The following RGS7 variants were observed in gnomAD, a reference collection of about 807,000 sequenced individuals.
RGS7 encodes regulator of G-protein signaling 7.
Under a neutral mutation model 81.1 loss-of-function variants are expected in RGS7, and 27 were observed. The observed-to-expected ratio is 0.33, with a 90% confidence interval of 0.25 to 0.46. The LOEUF (loss-of-function observed/expected upper bound fraction) is 0.46. Ranked by LOEUF, RGS7 falls within the 20% of genes least tolerant of loss-of-function variation. RGS7 has a pLI of 1.00. For missense variants in RGS7, 396 were observed against 607.4 expected (o/e 0.65, Z 3.66); for synonymous variants, 208 against 207.7 (o/e 1.00, Z -0.01).
intron 6 of RGS7, among the ~76,000 whole-genome samples, chr1:240,873,035 T>G (rs1217396674): frequency 2.0e-5 from 3 of 151,766 alleles, no homozygotes; most frequent in Non-Finnish European, 2.9e-5. Flanking sequence ...GCCAAGATCA[T>G]GCCACTGCAC....
intron 3 of RGS7, among the ~76,000 whole-genome samples, chr1:241,040,436 A>G (rs2148764695): frequency 6.6e-6 from 1 of 152,244 alleles, no homozygotes; most frequent in Middle Eastern, 3.4e-3. Context: ...TGACATGTGT[A>G]GATGATTATG....
intron 18 of RGS7, among the ~76,000 whole-genome samples, chr1:240,781,243 C>T (rs1470743894): frequency 6.6e-6 from 1 of 152,158 alleles, no homozygotes; most frequent in African/African-American, 2.4e-5. Context: ...CACAGTAAAC[C>T]TGGGGCTTTG....
At position 241,100,171 on chromosome 1, in the gene RGS7, C is replaced by G. The variant is rs557120791; in HGVS notation, c.79-1409G>C. Among the ~76,000 whole-genome samples, 366 of 150,236 alleles carry G rather than the reference C, an allele frequency of 2.4e-3. 2 individuals carry two copies. The highest frequency in any genetic ancestry group is 7.8e-3 in the African/African-American group (319 of 40,876). ...CGGGCGGATCATGAGGTCAGGAGAT[C>G]GAGACCATCCTGGCTAACACGGTGA... On this transcript the variant is annotated intron_variant, in intron 2 of 18. Coordinates refer to ENST00000440928, the MANE Select transcript of RGS7 (RefSeq NM_001364886.1).
chr1:240,921,253 A>G (rs914335483), intron 6 of RGS7, among the ~76,000 whole-genome samples: 1 of 152,172 alleles, frequency 6.6e-6, no homozygotes, highest in African/African-American at 2.4e-5. Context: ...ATGGTACCAG[A>G]AAAAACTATA....
intron 2 of RGS7, among the ~76,000 whole-genome samples, chr1:241,268,619 G>A (rs1349531353): frequency 6.6e-6 from 1 of 152,008 alleles, no homozygotes; most frequent in East Asian, 1.9e-4. Context: ...GATACGAGAG[G>A]GAAAGTGGGG....
At chr1:240,976,325 ATGGGGTG>A (rs386641132) in intron 4 of RGS7, among the ~76,000 whole-genome samples, 7,559 of 152,240 alleles carry the variant, frequency 0.05, 215 homozygotes, top group South Asian at 0.1. Context: ...CATGGAAGCA[ATGGGGTG>A]GACTGTCAAC....
At chr1:241,204,618 A>G (rs77600605) in intron 2 of RGS7, among the ~76,000 whole-genome samples, 10,784 of 152,216 alleles carry the variant, frequency 0.071, 1,102 homozygotes, top group African/African-American at 0.23. Context: ...AGTTCTCCTT[A>G]AAAGTCAGAC....
intron 5 of RGS7, among the ~76,000 whole-genome samples, chr1:240,935,124 C>T (rs750927943): frequency 6.6e-6 from 1 of 151,576 alleles, no homozygotes; most frequent in Non-Finnish European, 1.5e-5. Flanking sequence ...GTCTCAAACT[C>T]CTAACCTCAA....
At chr1:241,246,262 G>T (rs1408258935) in intron 2 of RGS7, among the ~76,000 whole-genome samples, 1 of 152,000 alleles carries the variant, frequency 6.6e-6, no homozygotes. Flanking sequence ...TCTGCTTGAG[G>T]GTGAGATATA....
At chr1:240,794,067 G>A (rs549286749) in intron 18 of RGS7, among the ~76,000 whole-genome samples, 21 of 152,158 alleles carry the variant, frequency 1.4e-4, no homozygotes, top group Admixed American at 6.5e-4. Flanking sequence ...CTTCCTTCTC[G>A]TAGGTTCCAA....
chr1:240,937,901 A>G (rs769421621), intron 4 of RGS7, among the ~76,000 whole-genome samples: 16 of 152,220 alleles, frequency 1.1e-4, no homozygotes, highest in Non-Finnish European at 1.6e-4. Flanking sequence ...GACAATGTAA[A>G]CATATAGTCT....
At chr1:240,927,230 C>A (rs1674610302) in intron 6 of RGS7, among the ~76,000 whole-genome samples, 1 of 152,124 alleles carries the variant, frequency 6.6e-6, no homozygotes, top group African/African-American at 2.4e-5. Context: ...CCATGCCCAG[C>A]TAATTTTTGT....
chr1:241,231,231 T>C (rs1026513682), intron 2 of RGS7, among the ~76,000 whole-genome samples: 1 of 152,212 alleles, frequency 6.6e-6, no homozygotes, highest in African/African-American at 2.4e-5. Flanking sequence ...TGCCACTGTT[T>C]TTTCATTTTA....
At chr1:241,158,754 T>C (rs767025010) in intron 2 of RGS7, among the ~76,000 whole-genome samples, 5 of 152,200 alleles carry the variant, frequency 3.3e-5, no homozygotes, top group Admixed American at 6.5e-5. Context: ...AGAGAGTCAG[T>C]GGCTTTGACA....
At chr1:241,110,701 T>C (rs1168926554) in intron 2 of RGS7, among the ~76,000 whole-genome samples, 1 of 151,754 alleles carries the variant, frequency 6.6e-6, no homozygotes, top group Non-Finnish European at 1.5e-5. Context: ...ACTCTTTTTT[T>C]TTTTTTGAGA....
At chr1:241,098,833 C>T in intron 2 of RGS7, 71 bp from the exon 3 acceptor site, 1 of 1,114,232 alleles carries the variant, frequency 9.0e-7, no homozygotes, top group Non-Finnish European at 1.3e-6. Flanking sequence ...GCTCTCATAA[C>T]AATTTTGTAT....
chr1:241,351,423 T>TA (rs35604303), intron 2 of RGS7, among the ~76,000 whole-genome samples: 134,140 of 145,952 alleles, frequency 0.92, 62,189 homozygotes, highest in East Asian at 0.98. Flanking sequence ...TGACTTTATT[T>TA]AAAAAAAAAA....
At chr1:241,102,240 A>T (rs550757575) in intron 2 of RGS7, among the ~76,000 whole-genome samples, 86 of 114,066 alleles carry the variant, frequency 7.5e-4, no homozygotes, top group African/African-American at 4.5e-3. Context: ...AAAGACACAT[A>T]AAAAAAACCC....
intron 3 of RGS7, among the ~76,000 whole-genome samples, chr1:241,030,461 A>G (rs2060029712): frequency 6.9e-6 from 1 of 145,788 alleles, no homozygotes; most frequent in Non-Finnish European, 1.5e-5. Flanking sequence ...ATACACATAT[A>G]CAAACATATA....
Sources: allele counts gnomAD v4.1 joint callset (sites outside exome capture counted in the v4.1 genomes callset), GRCh38; gene constraint gnomAD v4.1.1; transcripts MANE v1.5; gene names NCBI Gene and HGNC (gene_info 2026-07-23, HGNC 2026-07-21).